Variants in CSMD2 observed in about 807,000 individuals in gnomAD.
The protein encoded by CSMD2 is CUB and Sushi multiple domains 2.
In CSMD2, 130 loss-of-function variants were observed where a neutral mutation model predicts 398.5. The observed-to-expected ratio is 0.33, with a 90% CI of 0.28 to 0.38. The LOEUF (loss-of-function observed/expected upper bound fraction) is 0.38. CSMD2 is among the 10% of genes least tolerant of loss of function. CSMD2 has a pLI of 1.00. For missense variants in CSMD2, 3,829 were observed against 4,764.9 expected (o/e 0.80, Z 5.78); for synonymous variants, 1,828 against 1,908.5 (o/e 0.96, Z 1.10).
chr1:33,580,881 G>C lies in CSMD2; in HGVS notation c.7259C>G (p.Pro2420Arg). Reference sequence around the variant, plus strand: ...ATTCCCACTGAGGGCTTTCAGCAGAGGACTCTGTCCTGATGGACCTGGGGT... The same window carrying C: ...ATTCCCACTGAGGGCTTTCAGCAGACGACTCTGTCCTGATGGACCTGGGGT... ...EIFDGPSGQS[P>R]LLKALSGNYS... Residue 2420 changes from proline (P) to arginine (R), a missense_variant, in exon 48 of 71, where the codon CCT becomes CGT. Physicochemically the swap from Pro to Arg is moderately radical, Grantham distance 103. Coordinates refer to ENST00000373381, the MANE Select transcript of CSMD2 (RefSeq NM_001281956.2). 1 of 1,614,164 alleles carries C rather than the reference G, an allele frequency of 6.2e-7. No homozygotes were observed. Among genetic ancestry groups the C allele is most frequent in the Non-Finnish European group, 8.5e-7 (1 of 1,180,014 alleles).
rs1025276210 is a variant in CSMD2, at chr1:33,705,410, C to A, written c.3576+3679G>T. ...ATACTTTGACCATTATCTCCCCATT[C>A]CCTCAATCCCCTGGTAACCATAATT... On this transcript the variant is annotated intron_variant, in intron 22 of 70. Coordinates refer to ENST00000373381, the MANE Select transcript of CSMD2 (RefSeq NM_001281956.2). 2.0e-5 allele frequency among the ~76,000 whole-genome samples: 3 copies of A among 152,128 alleles called. No homozygotes were observed. The East Asian group carries it at 5.8e-4, about 29-fold the overall frequency.
At chr1:33,647,164 A>C (rs1643496121) in intron 28 of CSMD2, among the ~76,000 whole-genome samples, 1 of 152,206 alleles carries the variant, frequency 6.6e-6, no homozygotes, top group Non-Finnish European at 1.5e-5. Context: ...CAACCAAAGT[A>C]GGTCCAAAAC....
intron 64 of CSMD2, among the ~76,000 whole-genome samples, chr1:33,530,147 G>A: frequency 6.6e-6 from 1 of 152,160 alleles, no homozygotes; most frequent in East Asian, 1.9e-4. Flanking sequence ...ACAGAGTGAA[G>A]AGGCAACCTG....
rs1280472146 is a variant in CSMD2, at chr1:34,164,579, T to C, written c.187+332A>G. Among the ~76,000 whole-genome samples the C allele has an allele frequency of 1.3e-5, 2 of 151,888 alleles. No homozygotes were observed. The highest frequency in any genetic ancestry group is 4.8e-5 in the African/African-American group (2 of 41,362). ...GGAAAAAGCCTAGCACCGTGGGGGC[T>C]GGGAGGCTGGAGAAACTGAAGCCAC... On this transcript the variant is annotated intron_variant, in intron 1 of 70. Transcript: ENST00000373381. The surrounding 1 kb of genome is among the most constrained non-coding windows in gnomAD (Gnocchi z 6.2).
At chr1:33,881,046 T>C (rs1641203786) in intron 5 of CSMD2, among the ~76,000 whole-genome samples, 2 of 152,246 alleles carry the variant, frequency 1.3e-5, no homozygotes, top group African/African-American at 4.8e-5. Context: ...GCACATTTTC[T>C]GCTCTTAATG....
At chr1:33,803,316 G>A (rs1655830716) in intron 10 of CSMD2, among the ~76,000 whole-genome samples, 1 of 152,096 alleles carries the variant, frequency 6.6e-6, no homozygotes, top group Non-Finnish European at 1.5e-5. Flanking sequence ...TCACCCACGT[G>A]CTGAGATAAC....
chr1:33,942,239 G>A (rs1644698922), intron 3 of CSMD2, among the ~76,000 whole-genome samples: 1 of 152,222 alleles, frequency 6.6e-6, no homozygotes, highest in African/African-American at 2.4e-5. Context: ...TCACTGTCTG[G>A]GATTCCACAT....
intron 3 of CSMD2, among the ~76,000 whole-genome samples, chr1:33,978,544 G>T (rs1646050399): frequency 6.6e-6 from 1 of 152,160 alleles, no homozygotes; most frequent in South Asian, 2.1e-4. Context: ...GTCAGGAAGG[G>T]CTTCCCGGGC....
chr1:33,571,062 A>G (rs2148692853), intron 51 of CSMD2, among the ~76,000 whole-genome samples: 1 of 152,316 alleles, frequency 6.6e-6, no homozygotes, highest in Non-Finnish European at 1.5e-5. Flanking sequence ...ACAATGGAGA[A>G]GGCAGGCAGG....
At chr1:33,874,848 G>T (rs1309362055) in intron 5 of CSMD2, among the ~76,000 whole-genome samples, 1 of 152,206 alleles carries the variant, frequency 6.6e-6, no homozygotes, top group East Asian at 1.9e-4. Flanking sequence ...TATTTTTAAT[G>T]TATTATCTCT....
chr1:33,583,221 G>T (rs1308406412), intron 47 of CSMD2, among the ~76,000 whole-genome samples: 2 of 152,320 alleles, frequency 1.3e-5, no homozygotes, highest in Non-Finnish European at 2.9e-5. Context: ...GGGTCCAGTG[G>T]TCTGAAGCAT....
intron 25 of CSMD2, among the ~76,000 whole-genome samples, chr1:33,669,035 T>C (rs1644405911): frequency 6.6e-6 from 1 of 152,258 alleles, no homozygotes. Flanking sequence ...CTGCTTTATG[T>C]ACATTGCTGA....
intron 4 of CSMD2, among the ~76,000 whole-genome samples, chr1:33,918,920 C>T (rs1269523451): frequency 6.6e-6 from 1 of 152,214 alleles, no homozygotes; most frequent in East Asian, 1.9e-4. Flanking sequence ...TAGCCAGTGA[C>T]TGACATGTGG....
At chr1:34,092,080 T>C (rs1016092236) in intron 1 of CSMD2, among the ~76,000 whole-genome samples, 62 of 152,080 alleles carry the variant, frequency 4.1e-4, no homozygotes, top group African/African-American at 1.3e-3. Context: ...TATATGTCAA[T>C]GACAGATAAA....
intron 68 of CSMD2, among the ~76,000 whole-genome samples, chr1:33,521,192 G>A (rs1439404209): frequency 6.6e-6 from 1 of 152,200 alleles, no homozygotes; most frequent in Non-Finnish European, 1.5e-5. Context: ...CTGTATCTAA[G>A]AGCCAATGTC....
intron 44 of CSMD2, chr1:33,600,249 T>C (rs1640123433): frequency 2.9e-6 from 2 of 698,774 alleles, no homozygotes; most frequent in African/African-American, 1.8e-5. Context: ...GATCTGTAAA[T>C]TGCAAATATG....
At chr1:34,030,087 A>G (rs769244965) in intron 3 of CSMD2, among the ~76,000 whole-genome samples, 39 of 152,262 alleles carry the variant, frequency 2.6e-4, no homozygotes, top group East Asian at 9.6e-4. Flanking sequence ...ATTTTCTGCA[A>G]TGATGGAAAT....
intron 1 of CSMD2, among the ~76,000 whole-genome samples, chr1:34,157,325 T>A (rs889621642): frequency 4.6e-5 from 7 of 152,072 alleles, no homozygotes; most frequent in African/African-American, 1.7e-4. Flanking sequence ...GGTCAAGGTA[T>A]TTCCAGTGCC....
At position 33,700,801 on chromosome 1, in the gene CSMD2, T is replaced by G. The variant is rs568145959; in HGVS notation, c.3577-128A>C. 1.7e-4 allele frequency: 148 copies of G among 864,656 alleles called. 2 individuals carry two copies. In the South Asian group the frequency reaches 2.3e-3, roughly 13 times the overall value. 53.6% of individuals were successfully genotyped at this position (864,656 alleles called of 1,614,324 possible). On this transcript the variant is annotated intron_variant, in intron 22 of 70. Transcript: ENST00000373381. ...AACAACTATCAGAGGCACAGTGAGT[T>G]ATCAGATGCAAGGAAGATGGCAGAG...
Sources: allele counts gnomAD v4.1 joint callset (sites outside exome capture counted in the v4.1 genomes callset), GRCh38; gene constraint gnomAD v4.1.1; non-coding constraint Gnocchi (gnomAD v3.1); transcripts MANE v1.5; gene names NCBI Gene and HGNC (gene_info 2026-07-23, HGNC 2026-07-21).